CCSER1: variants seen among roughly 807,000 people sequenced by gnomAD.
The protein encoded by CCSER1 is serine-rich coiled-coil domain-containing protein 1.
In CCSER1, 41 loss-of-function variants were observed where a neutral mutation model predicts 82.0. The ratio of observed to expected loss-of-function variants is 0.50; its 90% CI spans 0.39 to 0.65. The LOEUF is 0.65. Among genes scored for constraint, CCSER1 ranks in the 30% least tolerant of loss-of-function variants. The pLI, the probability that CCSER1 is intolerant of heterozygous loss-of-function variation, is 0.00. For synonymous variants in CCSER1, 414 were observed against 383.9 expected (o/e 1.08, Z -0.92); for missense variants, 1,119 against 1,064.2 (o/e 1.05, Z -0.72).
intron 10 of CCSER1, among the ~76,000 whole-genome samples, chr4:91,415,640 A>T (rs993025814): frequency 2.6e-5 from 4 of 152,104 alleles, no homozygotes; most frequent in Admixed American, 1.3e-4. Flanking sequence ...ATATTATCGA[A>T]GGCCTTTTCT....
At chr4:90,561,242 C>T (rs1778726365) in intron 5 of CCSER1, among the ~76,000 whole-genome samples, 1 of 152,204 alleles carries the variant, frequency 6.6e-6, no homozygotes, top group South Asian at 2.1e-4. Context: ...TTTTATTCCA[C>T]ACAACTCTGT....
intron 9 of CCSER1, among the ~76,000 whole-genome samples, chr4:90,925,913 T>TA (rs1729001717): frequency 6.6e-6 from 1 of 152,072 alleles, no homozygotes; most frequent in African/African-American, 2.4e-5. Context: ...TGAAAGTAAC[T>TA]AGATGTAACT....
chr4:90,288,968 G>T (rs1169331728), intron 1 of CCSER1, among the ~76,000 whole-genome samples: 1 of 151,886 alleles, frequency 6.6e-6, no homozygotes, highest in African/African-American at 2.4e-5. Context: ...AATATTGGAA[G>T]GTGCAGTGCC....
chr4:90,299,874 A>T (rs1361710248), intron 1 of CCSER1, among the ~76,000 whole-genome samples: 1 of 152,164 alleles, frequency 6.6e-6, no homozygotes, highest in East Asian at 1.9e-4. Context: ...TACTTATTTT[A>T]GTAAAAAATG....
intron 7 of CCSER1, among the ~76,000 whole-genome samples, chr4:90,768,700 A>G (rs972134277): frequency 3.3e-5 from 5 of 152,320 alleles, no homozygotes; most frequent in Middle Eastern, 6.8e-3. Context: ...TCCTTGTTAT[A>G]TAGTATCAGA....
At chr4:90,408,489 C>G (rs1237577094) in intron 4 of CCSER1, among the ~76,000 whole-genome samples, 1 of 152,236 alleles carries the variant, frequency 6.6e-6, no homozygotes, top group Non-Finnish European at 1.5e-5. Context: ...ATCCACTGTT[C>G]TGCAGCCACC....
At chr4:91,527,671 A>G (rs1466229335) in intron 10 of CCSER1, among the ~76,000 whole-genome samples, 1 of 152,194 alleles carries the variant, frequency 6.6e-6, no homozygotes, top group Non-Finnish European at 1.5e-5. Flanking sequence ...ACTGTGATAG[A>G]ATATTAAAGA....
chr4:90,735,931 T>G (rs1336936738), intron 7 of CCSER1, among the ~76,000 whole-genome samples: 1 of 152,118 alleles, frequency 6.6e-6, no homozygotes, highest in East Asian at 1.9e-4. Context: ...TTCAAGCAAT[T>G]TTTAAATTTT....
intron 10 of CCSER1, among the ~76,000 whole-genome samples, chr4:91,187,452 G>T (rs1414883859): frequency 6.6e-6 from 1 of 151,920 alleles, no homozygotes; most frequent in African/African-American, 2.4e-5. Flanking sequence ...AACAAAGTAT[G>T]AAATAACTTA....
chr4:90,481,975 A>G (rs938497247), intron 5 of CCSER1, among the ~76,000 whole-genome samples: 4 of 152,178 alleles, frequency 2.6e-5, no homozygotes, highest in African/African-American at 9.7e-5. Context: ...CCTCTGGTAG[A>G]ATTCGGCTGT....
At chr4:90,448,593 A>G (rs1159452256) in intron 4 of CCSER1, among the ~76,000 whole-genome samples, 1 of 151,554 alleles carries the variant, frequency 6.6e-6, no homozygotes, top group East Asian at 1.9e-4. Context: ...TAAATTCCAC[A>G]TACACATAAC....
At chr4:90,152,791 T>C (rs1282475575) in intron 1 of CCSER1, among the ~76,000 whole-genome samples, 1 of 151,890 alleles carries the variant, frequency 6.6e-6, no homozygotes, top group African/African-American at 2.4e-5. Context: ...CTGTAGATGA[T>C]GGGAGGTGCT....
chr4:91,338,373 A>G (rs1460209194), intron 10 of CCSER1, among the ~76,000 whole-genome samples: 1 of 152,178 alleles, frequency 6.6e-6, no homozygotes, highest in Admixed American at 6.5e-5. Context: ...GGCACATCAC[A>G]AAAGTCCAAA....
chr4:90,842,966 T>G (rs1441963962), intron 8 of CCSER1, among the ~76,000 whole-genome samples: 1 of 152,142 alleles, frequency 6.6e-6, no homozygotes, highest in Non-Finnish European at 1.5e-5. Flanking sequence ...ATGAAATTGC[T>G]TTTAGGTTGG....
intron 1 of CCSER1, among the ~76,000 whole-genome samples, chr4:90,233,659 G>A (rs1336661380): frequency 6.7e-6 from 1 of 149,762 alleles, no homozygotes; most frequent in African/African-American, 2.5e-5. Context: ...AAACAAACTG[G>A]CCTTATGAAC....
chr4:91,448,759 T>C (rs1755712177), intron 10 of CCSER1, among the ~76,000 whole-genome samples: 1 of 152,136 alleles, frequency 6.6e-6, no homozygotes, highest in Non-Finnish European at 1.5e-5. Context: ...AATTAATTTA[T>C]TCATTCAACA....
In CCSER1 at chr4:90,706,706, C is replaced by G. The variant is rs549574002; in HGVS notation, c.1933-17208C>G. ...CCTAAAGTTTAGAACATATGCTATACAGCAAAACAAAATTTGCACATTGTG... is the reference window on the plus strand; with the variant it reads ...CCTAAAGTTTAGAACATATGCTATAGAGCAAAACAAAATTTGCACATTGTG... On this transcript the variant is annotated intron_variant, in intron 6 of 10. Transcript: ENST00000509176. 1.4e-4 allele frequency among the ~76,000 whole-genome samples: 22 copies of G among 152,292 alleles called. 1 individual carries two copies. In the South Asian group the frequency reaches 4.4e-3, roughly 30 times the overall value.
rs1730266440 is a variant in CCSER1, at chr4:90,932,990, A to AAGAAAGAAAGAAAGAAAG, written c.2172+9545_2172+9562dup. On this transcript the variant is annotated intron_variant, in intron 9 of 10. Coordinates refer to ENST00000509176, the MANE Select transcript of CCSER1 (RefSeq NM_001145065.2). Reference sequence around the variant, plus strand: ...AGAAAGAAAGAAAGAAAGAGAAAGAAAGAAAGAAAGAAAGAAAGAAAGAAA... The same window carrying AAGAAAGAAAGAAAGAAAG: ...AGAAAGAAAGAAAGAAAGAGAAAGAAAGAAAGAAAGAAAGAAAGAGAAAGAAAGAAAGAAAGAAAGAAA... 1.9e-4 allele frequency among the ~76,000 whole-genome samples: 9 copies of AAGAAAGAAAGAAAGAAAG among 48,488 alleles called. 3 individuals carry two copies. Among genetic ancestry groups the AAGAAAGAAAGAAAGAAAG allele is most frequent in the African/African-American group, 2.5e-4 (2 of 8,106 alleles). 31.8% of individuals were successfully genotyped at this position (48,488 alleles called of 152,430 possible).
chr4:90,742,475 C>T (rs530626475), intron 7 of CCSER1, among the ~76,000 whole-genome samples: 16 of 152,044 alleles, frequency 1.1e-4, no homozygotes, highest in African/African-American at 3.9e-4. Flanking sequence ...TTATTAGTGC[C>T]CTTATAAAAC....
Sources: gnomAD v4.1 joint callset for allele counts (sites outside exome capture counted in the v4.1 genomes callset) on GRCh38, gnomAD v4.1.1 for gene constraint, MANE v1.5 for transcripts, NCBI Gene and HGNC (gene_info 2026-07-23, HGNC 2026-07-21) for gene names.